The following AIM2 variants were observed in gnomAD, a reference collection of about 807,000 sequenced individuals.
AIM2 encodes interferon-inducible protein AIM2.
In AIM2, 30 loss-of-function variants were observed where a neutral mutation model predicts 27.7. The observed-to-expected ratio is 1.08, with a 90% CI of 0.81 to 1.47. The LOEUF (loss-of-function observed/expected upper bound fraction) is 1.47. Ranked by LOEUF, AIM2 falls within the 40% of genes most tolerant of loss-of-function variation. The probability of loss-of-function intolerance (pLI) is 0.00; values close to 1 mark genes in which losing one functional copy is unlikely to be tolerated. For synonymous variants in AIM2, 141 were observed against 145.3 expected, an observed-to-expected ratio of 0.97 and a Z score of 0.21; for missense variants, 358 against 411.3, an observed-to-expected ratio of 0.87 and a Z score of 1.12.
chr1:159,056,735 A>AAC, the AIM2 span, among the ~76,000 whole-genome samples: 4 of 149,354 alleles, frequency 2.7e-5, no homozygotes, highest in African/African-American at 4.9e-5. Context: ...AAAAAAAAAA[A>AAC]AAAAAAAAAA....
intron 1 of AIM2, among the ~76,000 whole-genome samples, chr1:159,110,295 G>A (rs1437904811): frequency 6.6e-6 from 1 of 152,158 alleles, no homozygotes; most frequent in Non-Finnish European, 1.5e-5. Flanking sequence ...TCTAAGTGAA[G>A]ACCAAGACCA....
intron 1 of AIM2, among the ~76,000 whole-genome samples, chr1:159,128,148 G>C (rs939360711): frequency 2.0e-5 from 3 of 152,148 alleles, no homozygotes; most frequent in Non-Finnish European, 4.4e-5. Context: ...ACAGTGCTTA[G>C]TATAAAATAG....
At chr1:159,083,854 G>A (rs1373930904) in intron 1 of AIM2, among the ~76,000 whole-genome samples, 1 of 152,216 alleles carries the variant, frequency 6.6e-6, no homozygotes, top group African/African-American at 2.4e-5. Flanking sequence ...TTAACATGTG[G>A]AAATACAAAA....
At chr1:159,109,557 G>T (rs1474324201) in intron 1 of AIM2, among the ~76,000 whole-genome samples, 1 of 152,050 alleles carries the variant, frequency 6.6e-6, no homozygotes, top group African/African-American at 2.4e-5. Flanking sequence ...AAGATCAATA[G>T]GTGGGATTTA....
intron 1 of AIM2, among the ~76,000 whole-genome samples, chr1:159,075,361 T>A (rs964946528): frequency 6.6e-6 from 1 of 151,824 alleles, no homozygotes; most frequent in African/African-American, 2.4e-5. Context: ...TACATTGAAG[T>A]AGAAGGAGGT....
chr1:159,070,367 A>G (rs1320783864), intron 2 of AIM2, among the ~76,000 whole-genome samples: 1 of 152,202 alleles, frequency 6.6e-6, no homozygotes, highest in Non-Finnish European at 1.5e-5. Context: ...GATGGGTGGC[A>G]TGTTGGCTCC....
intron 1 of AIM2, among the ~76,000 whole-genome samples, chr1:159,083,415 G>C (rs1656827175): frequency 1.3e-5 from 2 of 152,180 alleles, no homozygotes; most frequent in Admixed American, 6.5e-5. Flanking sequence ...TGCCTTGAGT[G>C]AGTGGGAATT....
intron 1 of AIM2, 45 bp from the exon 2 acceptor site, chr1:159,073,564 T>C: frequency 6.6e-7 from 1 of 1,516,942 alleles, no homozygotes. Flanking sequence ...CCAAAAGTGA[T>C]TCTACATTCA....
chr1:159,114,490 G>C (rs35525457), intron 1 of AIM2, among the ~76,000 whole-genome samples: 19,998 of 152,174 alleles, frequency 0.13, 2,039 homozygotes, highest in South Asian at 0.49. Flanking sequence ...GGAGGCCAAG[G>C]AGAATCACTT....
intron 3 of AIM2, among the ~76,000 whole-genome samples, chr1:159,067,601 A>G (rs1375334030): frequency 6.6e-6 from 1 of 152,130 alleles, no homozygotes; most frequent in African/African-American, 2.4e-5. Context: ...TGGTCCATGT[A>G]TCTTTATTTG....
upstream of AIM2, among the ~76,000 whole-genome samples, chr1:159,140,886 C>T (rs1459753357): frequency 6.6e-6 from 1 of 152,116 alleles, no homozygotes; most frequent in East Asian, 1.9e-4. Flanking sequence ...TGAAGTCTGT[C>T]CTACAAACAG....
chr1:159,114,839 C>A (rs898067885), intron 1 of AIM2, among the ~76,000 whole-genome samples: 42 of 152,112 alleles, frequency 2.8e-4, no homozygotes, highest in Non-Finnish European at 4.9e-4. Flanking sequence ...CCAGGGCAAT[C>A]AGGCAGGAGA....
chr1:159,116,127 A>G (rs1259842181), intron 1 of AIM2, among the ~76,000 whole-genome samples: 2 of 151,642 alleles, frequency 1.3e-5, no homozygotes, highest in African/African-American at 4.8e-5. Flanking sequence ...TCAAAACCAC[A>G]ATGAGATACC....
At chr1:159,121,778 T>A (rs898036319) in intron 1 of AIM2, among the ~76,000 whole-genome samples, 2 of 152,180 alleles carry the variant, frequency 1.3e-5, no homozygotes, top group African/African-American at 2.4e-5. Context: ...TGAGAAAGTA[T>A]CCTTTCTCTT....
intron 1 of AIM2, among the ~76,000 whole-genome samples, chr1:159,130,900 A>G (rs1462950231): frequency 1.3e-5 from 2 of 150,874 alleles, no homozygotes; most frequent in African/African-American, 2.4e-5. Context: ...TAAAATCCTA[A>G]CTCCTTAAGA....
At chr1:159,146,011 C>T (rs1360595530) in intron 1 of AIM2, among the ~76,000 whole-genome samples, 1 of 151,422 alleles carries the variant, frequency 6.6e-6, no homozygotes, top group Middle Eastern at 3.2e-3. Flanking sequence ...GAGGCTGAGG[C>T]AGGAGAATCA....
At chr1:159,131,466 C>T (rs935826225) in intron 1 of AIM2, among the ~76,000 whole-genome samples, 3 of 152,026 alleles carry the variant, frequency 2.0e-5, no homozygotes, top group African/African-American at 4.8e-5. Flanking sequence ...TCATACAGTA[C>T]ATTTGAAGGA....
intron 1 of AIM2, among the ~76,000 whole-genome samples, chr1:159,095,239 A>G (rs1481465289): frequency 6.6e-6 from 1 of 152,250 alleles, no homozygotes; most frequent in Non-Finnish European, 1.5e-5. Flanking sequence ...CAAAAGGAAG[A>G]AAACATTTAA....
chr1:159,122,984 G>A (rs1183045893), intron 1 of AIM2, among the ~76,000 whole-genome samples: 2 of 152,056 alleles, frequency 1.3e-5, no homozygotes, highest in South Asian at 4.1e-4. Flanking sequence ...AAAAACTTTG[G>A]TCTCCATGAA....
Sources: gnomAD v4.1 joint callset for allele counts (sites outside exome capture counted in the v4.1 genomes callset) on GRCh38, gnomAD v4.1.1 for gene constraint, MANE v1.5 for transcripts, NCBI Gene and HGNC (gene_info 2026-07-23, HGNC 2026-07-21) for gene names.